NUP98: variants seen among roughly 807,000 people sequenced by gnomAD.
NUP98 encodes the protein nucleoporin 98 and 96 precursor.
NUP98 carries 26 observed loss-of-function variants against 191.9 expected under a neutral mutation model. The ratio of observed to expected loss-of-function variants is 0.14; its 90% confidence interval spans 0.10 to 0.19. NUP98 has a LOEUF of 0.19. Among genes scored for constraint, NUP98 ranks in the 10% least tolerant of loss-of-function variants. The pLI, the probability that NUP98 is intolerant of heterozygous loss-of-function variation, is 1.00. For synonymous variants in NUP98, 808 were observed against 778.4 expected, an observed-to-expected ratio of 1.04 and a Z score of -0.63; for missense variants, 1,941 against 2,178.8, an observed-to-expected ratio of 0.89 and a Z score of 2.17.
chr11:3,677,879 G>A (rs73426354), intron 31 of NUP98, among the ~76,000 whole-genome samples: 2,635 of 152,226 alleles, frequency 0.017, 84 homozygotes, highest in African/African-American at 0.061. Context: ...ACTTTGATGA[G>A]GATAATAATA....
chr11:3,731,100 A>G (rs542545370), intron 14 of NUP98, among the ~76,000 whole-genome samples: 2 of 152,140 alleles, frequency 1.3e-5, no homozygotes, highest in Non-Finnish European at 2.9e-5. Context: ...CCCCATTTCT[A>G]CTAAAAATAC....
chr11:3,682,560 A>G (rs1226907857), intron 30 of NUP98, among the ~76,000 whole-genome samples: 1 of 152,206 alleles, frequency 6.6e-6, no homozygotes, highest in Non-Finnish European at 1.5e-5. Flanking sequence ...TGGAGCAGCC[A>G]GAATATGCAC....
intron 2 of NUP98, 56 bp downstream of exon 2, chr11:3,781,986 G>GAAAA: frequency 8.5e-7 from 1 of 1,180,756 alleles, no homozygotes; most frequent in Non-Finnish European, 1.2e-6. Context: ...GAGTGGATTT[G>GAAAA]TTCTTAGTAA....
intron 11 of NUP98, among the ~76,000 whole-genome samples, chr11:3,750,785 C>T (rs1449011542): frequency 1.3e-5 from 2 of 152,120 alleles, no homozygotes; most frequent in African/African-American, 2.4e-5. Flanking sequence ...ACTACAGGCA[C>T]ATGCCACCAT....
chr11:3,715,809 G>A (rs1340464242), intron 18 of NUP98, among the ~76,000 whole-genome samples: 2 of 151,964 alleles, frequency 1.3e-5, no homozygotes, highest in Admixed American at 6.5e-5. Context: ...TGTAGATACA[G>A]GGTCTTCCTA....
rs1202462031 is a variant in NUP98, at chr11:3,778,989, C to A, written c.239G>T (p.Gly80Val). Residue 80 changes from glycine (G) to valine (V), a missense_variant, in exon 4 of 33, where the codon GGG becomes GTG. Physicochemically the swap from Gly to Val is moderately radical, Grantham distance 109. Around this residue, in one of 6 missense-constraint regions of NUP98, gnomAD observed 154 missense variants for 182.9 expected, o/e 0.84. Transcript: ENST00000324932. ...TGCTGTTCCTGTTGACGTACCAAAC[C>A]CAAAGCCAGTGCTTGTGGAGGTAGC... ...QPATSTSTGF[G>V]FGTSTGTANT... The A allele has an allele frequency of 3.7e-6, 6 of 1,614,184 alleles. No homozygotes were observed.
At position 3,720,762 on chromosome 11, in the gene NUP98, G is replaced by A; in HGVS notation, c.2210C>T (p.Thr737Ile). The stretch of plus-strand genomic sequence containing the variant: ...GACAATGCACTCTCCTTTTTCATTG[G>A]TAATTTTAGCAAGGTCATCCATAGA... ...IPSMDDLAKI[T>I]NEKGECIVSD... is the part of the protein sequence containing the mutation. The change falls in exon 17 of 33, where the codon ACC becomes ATC. Residue 737 changes from threonine (T) to isoleucine (I), a missense_variant. Thr to Ile is a moderately conservative substitution (Grantham distance 89). Around this residue, in one of 6 missense-constraint regions of NUP98, gnomAD observed 453 missense variants for 438.2 expected, o/e 1.03. Transcript: ENST00000324932. The A allele has an allele frequency of 3.3e-6, 5 of 1,530,186 alleles. No homozygotes were observed. Among genetic ancestry groups the A allele is most frequent in the Non-Finnish European group, 4.4e-6 (5 of 1,129,016 alleles). The allele number at this position is 1,530,186 out of a possible 1,614,324, so 94.8% of individuals were successfully genotyped here.
chr11:3,730,599 A>G (rs979757758), intron 14 of NUP98, among the ~76,000 whole-genome samples: 1 of 152,126 alleles, frequency 6.6e-6, no homozygotes, highest in Non-Finnish European at 1.5e-5. Context: ...CCTGACCTCC[A>G]GTGATCCACC....
intron 12 of NUP98, among the ~76,000 whole-genome samples, chr11:3,744,150 T>C (rs940041792): frequency 6.6e-6 from 1 of 152,192 alleles, no homozygotes; most frequent in Admixed American, 6.5e-5. Context: ...TTGGAAGAAG[T>C]AAATAAAGTA....
intron 12 of NUP98, among the ~76,000 whole-genome samples, chr11:3,736,682 A>G (rs1037588031): frequency 6.6e-6 from 1 of 152,262 alleles, no homozygotes; most frequent in Non-Finnish European, 1.5e-5. Flanking sequence ...TAGGTTATGT[A>G]GTTATTAAAA....
intron 8 of NUP98, among the ~76,000 whole-genome samples, chr11:3,763,880 T>C (rs1437892356): frequency 6.6e-6 from 1 of 152,216 alleles, no homozygotes; most frequent in Admixed American, 6.5e-5. Context: ...TCATTTCCAA[T>C]GAGCAGTCTG....
chr11:3,738,107 A>AACAAAAAAAAACC (rs1554894745), intron 12 of NUP98, among the ~76,000 whole-genome samples: 34 of 147,670 alleles, frequency 2.3e-4, no homozygotes, highest in Non-Finnish European at 4.2e-4. Context: ...AAAAAAAAAA[A>AACAAAAAAAAACC]CCAAAGACTT....
rs1382789803 is a variant in NUP98 at position 3,676,205 on chromosome 11, C to T, written c.5357G>A (p.Ser1786Asn). 5 of 1,614,048 alleles carry T rather than the reference C, an allele frequency of 3.1e-6. No individual in the cohort carries two copies. The South Asian group carries it at 4.4e-5, about 14-fold the overall frequency. The change falls in exon 33 of 33, where the codon AGC (serine) becomes AAC (asparagine). Residue 1786 changes from serine (S) to asparagine (N), a missense_variant. Ser to Asn is a conservative substitution (Grantham distance 46, BLOSUM62 1). Coordinates refer to ENST00000324932, the MANE Select transcript of NUP98 (RefSeq NM_016320.5). ...TTCTCGCAGATAGGACTGGGTAAGG[C>T]TGCGCAGTTCGTCCATGGCATAGTC... ...PEDYAMDELR[S>N]LTQSYLRELA... is the part of the protein sequence containing the mutation.
At chr11:3,698,333 A>T (rs1480656775) in intron 25 of NUP98, among the ~76,000 whole-genome samples, 1 of 152,318 alleles carries the variant, frequency 6.6e-6, no homozygotes, top group South Asian at 2.1e-4. Flanking sequence ...GGTGATTTTG[A>T]TTGATAGCTT....
At chr11:3,794,967 A>C (rs7119248) in intron 1 of NUP98, among the ~76,000 whole-genome samples, 81,570 of 152,106 alleles carry the variant, frequency 0.54, 22,559 homozygotes, top group African/African-American at 0.67. Context: ...TCAACAAATT[A>C]CATAACTGCA....
rs186862358 is a variant in NUP98 at position 3,683,943 on chromosome 11, C to A, written c.4677-502G>T. ...ACAGCACTGGCCAGGCACAGTGCCT[C>A]ACGCCTGTAATCCCAGCACTTTGGG... On this transcript the variant is annotated intron_variant, in intron 29 of 32. Coordinates refer to ENST00000324932, the MANE Select transcript of NUP98 (RefSeq NM_016320.5). Among the ~76,000 whole-genome samples the A allele has an allele frequency of 2.5e-3, 385 of 152,228 alleles. 2 individuals are homozygous for A. Among genetic ancestry groups the A allele is most frequent in the African/African-American group, 9.0e-3 (372 of 41,548 alleles).
chr11:3,730,659 C>T (rs1316771521), intron 14 of NUP98, among the ~76,000 whole-genome samples: 2 of 152,052 alleles, frequency 1.3e-5, no homozygotes, highest in African/African-American at 2.4e-5. Flanking sequence ...CCACCATGCC[C>T]GGCCGGATTA....
chr11:3,786,583 T>C (rs2133967747), intron 1 of NUP98, among the ~76,000 whole-genome samples: 2 of 152,320 alleles, frequency 1.3e-5, no homozygotes, highest in East Asian at 1.9e-4. Context: ...TAATTAATAA[T>C]TCAGATTCTC....
Position 3,693,947 on chromosome 11 carries a change from C to T in NUP98, c.4168-572G>A, listed in dbSNP as rs182086069. Among the ~76,000 whole-genome samples the T allele has an allele frequency of 3.0e-4, 45 of 152,184 alleles. No individual in the cohort carries two copies. In the East Asian group the frequency reaches 7.1e-3, roughly 24 times the overall value. The stretch of plus-strand genomic sequence containing the variant: ...TAAGTGGCTATAAAAAAGAATAATG[C>T]CAGCCAGGCACTGTGGCTCACACCT... On this transcript the variant is annotated intron_variant, in intron 26 of 32. Coordinates refer to ENST00000324932, the MANE Select transcript of NUP98 (RefSeq NM_016320.5).
Sources: gnomAD v4.1 joint callset for allele counts (sites outside exome capture counted in the v4.1 genomes callset) on GRCh38, gnomAD v4.1.1 for gene constraint, gnomAD v4.1.1 regional missense constraint, MANE v1.5 for transcripts, NCBI Gene and HGNC (gene_info 2026-07-23, HGNC 2026-07-21) for gene names.